Variants in MYLK observed in about 807,000 individuals in gnomAD.
MYLK encodes the protein myosin light chain kinase, smooth muscle.
In MYLK, 106 loss-of-function variants were observed where a neutral mutation model predicts 203.4. The ratio of observed to expected loss-of-function variants is 0.52; its 90% CI spans 0.45 to 0.61. MYLK has a LOEUF of 0.61. Ranked by LOEUF, MYLK falls within the 20% of genes least tolerant of loss-of-function variation. The pLI is 0.00. For synonymous variants in MYLK, 867 were observed against 959.5 expected, an observed-to-expected ratio of 0.90 and a Z score of 1.78; for missense variants, 2,072 against 2,442.3, an observed-to-expected ratio of 0.85 and a Z score of 3.20.
At chr3:123,786,124 G>A (rs911110181) in intron 4 of MYLK, among the ~76,000 whole-genome samples, 17 of 152,050 alleles carry the variant, frequency 1.1e-4, no homozygotes, top group African/African-American at 4.1e-4. Context: ...CCAACATGGT[G>A]AAACCCTGTC....
At chr3:123,839,676 T>C (rs1015635568) in intron 2 of MYLK, among the ~76,000 whole-genome samples, 1 of 152,188 alleles carries the variant, frequency 6.6e-6, no homozygotes, top group African/African-American at 2.4e-5. Context: ...AGTAAGAATT[T>C]AGAAAGGTGA....
chr3:123,780,683 A>G (rs1361064786), intron 4 of MYLK, among the ~76,000 whole-genome samples: 2 of 152,174 alleles, frequency 1.3e-5, no homozygotes, highest in Non-Finnish European at 2.9e-5. Context: ...CCCAGTAAAC[A>G]CGTTTGCAAA....
At chr3:123,749,160 T>A (rs572674763) in intron 5 of MYLK, among the ~76,000 whole-genome samples, 1 of 151,650 alleles carries the variant, frequency 6.6e-6, no homozygotes, top group East Asian at 2.0e-4. Context: ...AGGCCTATAG[T>A]CCCAGCTACT....
rs1208038533 is a variant in MYLK at position 123,635,905 on chromosome 3, CTG to C, written c.4961+2164_4961+2165del. Among the ~76,000 whole-genome samples the C allele has an allele frequency of 2.0e-5, 3 of 152,160 alleles. No homozygotes were observed. The East Asian group carries it at 5.8e-4, about 29-fold the overall frequency. ...TCACACAATGGGATACTACATAACA[CTG>C]AGAATAAACAGTCTACAATGACACA... On this transcript the variant is annotated intron_variant, in intron 29 of 33. Coordinates refer to ENST00000360304, the MANE Select transcript of MYLK (RefSeq NM_053025.4).
chr3:123,821,150 TA>T (rs1487632914), intron 3 of MYLK, among the ~76,000 whole-genome samples: 1 of 152,232 alleles, frequency 6.6e-6, no homozygotes. Context: ...ATGATTCTTT[TA>T]AAAATAAATA....
At chr3:123,815,147 C>T (rs1177119221) in intron 3 of MYLK, among the ~76,000 whole-genome samples, 1 of 152,170 alleles carries the variant, frequency 6.6e-6, no homozygotes, top group African/African-American at 2.4e-5. Flanking sequence ...ATTTCAAGAA[C>T]TTCAATTACT....
At chr3:123,785,762 T>C (rs946099677) in intron 4 of MYLK, among the ~76,000 whole-genome samples, 56 of 152,224 alleles carry the variant, frequency 3.7e-4, no homozygotes, top group Non-Finnish European at 6.3e-4. Context: ...CTGTCCAATA[T>C]GGTAGCCATT....
intron 33 of MYLK, 124 bp from the exon 34 acceptor site, chr3:123,614,473 G>T: frequency 9.2e-7 from 1 of 1,082,650 alleles, no homozygotes; most frequent in Non-Finnish European, 1.4e-6. Flanking sequence ...TTTTGATGTT[G>T]GCCTTTATCG....
At chr3:123,735,181 G>A (rs1224110373) in intron 9 of MYLK, 7 of 637,552 alleles carry the variant, frequency 1.1e-5, no homozygotes, top group African/African-American at 9.1e-5. Context: ...GCAACACTGA[G>A]TTTTCCAGTC....
intron 28 of MYLK, chr3:123,638,793 C>A (rs1267751636): frequency 1.2e-5 from 12 of 985,292 alleles, no homozygotes; most frequent in Non-Finnish European, 1.4e-5. Context: ...TCAGGAGCTA[C>A]TGGTAGGGTA....
At chr3:123,830,039 G>A (rs1577085432) in intron 3 of MYLK, among the ~76,000 whole-genome samples, 3 of 152,264 alleles carry the variant, frequency 2.0e-5, no homozygotes, top group Admixed American at 2.0e-4. Flanking sequence ...CATAAAGTAG[G>A]TGACTAAACA....
chr3:123,627,369 T>C (rs975657316), intron 30 of MYLK, among the ~76,000 whole-genome samples: 2 of 152,210 alleles, frequency 1.3e-5, no homozygotes, highest in African/African-American at 2.4e-5. Flanking sequence ...AATCCTAGGA[T>C]AAAATCTCCG....
chr3:123,877,673 G>T (rs780970534), intron 1 of MYLK, among the ~76,000 whole-genome samples: 2 of 152,182 alleles, frequency 1.3e-5, no homozygotes, highest in Non-Finnish European at 2.9e-5. Flanking sequence ...TCAGAGGCAG[G>T]TTGCAAGATA....
At chr3:123,719,962 G>T (rs552262337) in intron 13 of MYLK, among the ~76,000 whole-genome samples, 1 of 152,208 alleles carries the variant, frequency 6.6e-6, no homozygotes, top group African/African-American at 2.4e-5. Flanking sequence ...CGTGCCAGGG[G>T]GTGTCGCTGT....
intron 3 of MYLK, among the ~76,000 whole-genome samples, chr3:123,814,624 T>C (rs1430728648): frequency 2.6e-5 from 4 of 152,224 alleles, no homozygotes; most frequent in African/African-American, 9.6e-5. Context: ...TTTTCATGCT[T>C]TTCCTCAGAT....
intron 8 of MYLK, among the ~76,000 whole-genome samples, chr3:123,736,737 G>C (rs1440031152): frequency 6.6e-6 from 1 of 152,290 alleles, no homozygotes; most frequent in East Asian, 1.9e-4. Flanking sequence ...GGTTAAATTT[G>C]GGGTGATGGC....
intron 4 of MYLK, among the ~76,000 whole-genome samples, chr3:123,766,167 T>C (rs965338853): frequency 5.3e-5 from 8 of 152,252 alleles, no homozygotes; most frequent in Non-Finnish European, 7.3e-5. Context: ...TAGCTATATG[T>C]TTATCCCTTT....
chr3:123,682,392 C>T, intron 19 of MYLK, 82 bp from the exon 20 acceptor site: 1 of 1,116,946 alleles, frequency 9.0e-7, no homozygotes, highest in Non-Finnish European at 1.3e-6. Flanking sequence ...AATCCCACCT[C>T]AGCCAAACTC....
rs754395705 is a variant in MYLK, at chr3:123,666,383, G to C, written c.3704-37C>G. On this transcript the variant is annotated intron_variant, in intron 21 of 33. Transcript: ENST00000360304. ...CAGGGAGAAAGTGAGCGAGGCAGAA[G>C]GGTCTCAGGCATTCTGATCACATTC... 17 of 1,613,906 alleles carry C rather than the reference G, an allele frequency of 1.1e-5. No individual in the cohort carries two copies. In the African/African-American group the frequency reaches 2.0e-4, roughly 19 times the overall value.
Sources: allele counts gnomAD v4.1 joint callset (sites outside exome capture counted in the v4.1 genomes callset), GRCh38; gene constraint gnomAD v4.1.1; transcripts MANE v1.5; gene names NCBI Gene and HGNC (gene_info 2026-07-23, HGNC 2026-07-21).